Variants in CASZ1 observed in about 807,000 individuals in gnomAD.
The protein encoded by CASZ1 is zinc finger protein castor homolog 1.
CASZ1 carries 28 observed loss-of-function variants against 135.2 expected under a neutral mutation model. The observed-to-expected ratio is 0.21, with a 90% CI of 0.15 to 0.28. CASZ1 has a LOEUF of 0.28. Ranked by LOEUF, CASZ1 falls within the 10% of genes least tolerant of loss-of-function variation. The probability of loss-of-function intolerance (pLI) is 1.00; values close to 1 mark genes in which losing one functional copy is unlikely to be tolerated. For missense variants in CASZ1, 2,161 were observed against 2,453.3 expected, an observed-to-expected ratio of 0.88 and a Z score of 2.52; for synonymous variants, 1,068 against 1,073.4, an observed-to-expected ratio of 0.99 and a Z score of 0.10.
chr1:10,729,023 G>A (rs1008564518), intron 2 of CASZ1, among the ~76,000 whole-genome samples: 37 of 152,120 alleles, frequency 2.4e-4, no homozygotes, highest in African/African-American at 7.9e-4. Flanking sequence ...TGCCCGGACC[G>A]AGGGGACAAA....
intron 1 of CASZ1, among the ~76,000 whole-genome samples, chr1:10,763,818 C>T (rs1264127217): frequency 6.6e-6 from 1 of 152,218 alleles, no homozygotes; most frequent in African/African-American, 2.4e-5. Flanking sequence ...AGATGAGCTC[C>T]GTGCAGCTTG....
rs1398893630 is a variant in CASZ1 at position 10,648,156 on chromosome 1, A to AG, written c.3159-18dup. On this transcript the variant is annotated splice_polypyrimidine_tract_variant and intron_variant, in intron 15 of 20. Coordinates refer to ENST00000377022, the MANE Select transcript of CASZ1 (RefSeq NM_001079843.3). ...AAGTGGAAGCTGCGAGAGGTAGAAG[A>AG]GGGGGTCTCATGGGGGGCAGTGAAG... The AG allele has an allele frequency of 4.1e-5, 61 of 1,472,044 alleles. No individual in the cohort carries two copies. The highest frequency in any genetic ancestry group is 5.4e-5 in the Non-Finnish European group (60 of 1,106,472). The allele number at this position is 1,472,044 out of a possible 1,614,324, so 91.2% of individuals were successfully genotyped here.
chr1:10,787,663 A>T (rs372414638), intron 1 of CASZ1, among the ~76,000 whole-genome samples: 9 of 152,060 alleles, frequency 5.9e-5, no homozygotes, highest in African/African-American at 1.9e-4. Flanking sequence ...GCACACACAC[A>T]CACGCATACA....
In CASZ1 at chr1:10,735,724, C is replaced by G. The variant is rs1639785464; in HGVS notation, c.-77+24977G>C. On this transcript the variant is annotated intron_variant, in intron 2 of 20. Transcript: ENST00000377022. The surrounding 1 kb of genome is among the most constrained non-coding windows in gnomAD (Gnocchi z 5.1). Reference sequence around the variant, plus strand: ...CGGTTAAATGAGGTCAAATGCTTTTCAAGTCACGGGCATCTGCCTACCAAG... The same window carrying G: ...CGGTTAAATGAGGTCAAATGCTTTTGAAGTCACGGGCATCTGCCTACCAAG... 6.6e-6 allele frequency among the ~76,000 whole-genome samples: 1 copy of G among 152,196 alleles called. No homozygotes were observed. Among genetic ancestry groups the G allele is most frequent in the East Asian group, 1.9e-4 (1 of 5,192 alleles).
rs1013322776 is a variant in CASZ1 at position 10,658,544 on chromosome 1, G to A, written c.1373C>T (p.Thr458Ile). The A allele has an allele frequency of 4.3e-6, 7 of 1,613,992 alleles. No homozygotes were observed. Among genetic ancestry groups the A allele is most frequent in the Admixed American group, 3.3e-5 (2 of 60,012 alleles). ...NGLPTDKPAV[T>I]EDVNIYQKYI... Reference sequence around the variant, plus strand: ...TTTCTGGTAAATGTTTACATCTTCAGTGACGGCTGGTTTATCTGTGGGCAG... The same window carrying A: ...TTTCTGGTAAATGTTTACATCTTCAATGACGGCTGGTTTATCTGTGGGCAG... The change falls in exon 7 of 21, where the codon ACT becomes ATT. Residue 458 changes from threonine to isoleucine, a missense_variant. Physicochemically the swap from Thr to Ile is moderately conservative, Grantham distance 89. Around this residue, in one of 7 missense-constraint regions of CASZ1, gnomAD observed 248 missense variants for 410.8 expected, o/e 0.60. Transcript: ENST00000377022.
intron 2 of CASZ1, among the ~76,000 whole-genome samples, chr1:10,748,143 T>C (rs1364590674): frequency 6.6e-6 from 1 of 152,160 alleles, no homozygotes; most frequent in Non-Finnish European, 1.5e-5. Flanking sequence ...AAAGGCTCCC[T>C]GCATCCAACT....
In CASZ1 at chr1:10,666,019, G is replaced by A. The variant is rs2100295248; in HGVS notation, c.17-448C>T. The stretch of plus-strand genomic sequence containing the variant: ...AAGGGACAGCGTGGCATTCCTGGCA[G>A]CTTGTTCCGCTTGGGAGCGTCCTGC... On this transcript the variant is annotated intron_variant, in intron 4 of 20. Transcript: ENST00000377022. This position sits in a 1 kb window ranked among gnomAD's most constrained non-coding sequence, Gnocchi z 5.2. Among the ~76,000 whole-genome samples the A allele has an allele frequency of 6.6e-6, 1 of 152,288 alleles. No homozygotes were observed. Among genetic ancestry groups the A allele is most frequent in the East Asian group, 1.9e-4 (1 of 5,170 alleles).
At position 10,639,501 on chromosome 1, in the gene CASZ1, G is replaced by A. The variant is rs749828128; in HGVS notation, c.4721C>T (p.Thr1574Ile). ...CACCGTGTGGCGGCAGCCCGGGAAG[G>A]TGCAGTGGAAGTGCGAGCACTTGAG... ...YKLKCSHFHCTFPGCRHTVVG... is the reference protein window; with the variant it reads ...YKLKCSHFHCIFPGCRHTVVG... The change falls in exon 21 of 21, where the codon ACC (threonine) becomes ATC (isoleucine). Residue 1574 changes from threonine to isoleucine, a missense_variant. This residue lies in a region of CASZ1 where 240 missense variants were observed against 321.4 expected (regional missense o/e 0.75). Transcript: ENST00000377022. This position sits in a 1 kb window ranked among gnomAD's most constrained non-coding sequence, Gnocchi z 4.0. The A allele has an allele frequency of 1.2e-6, 2 of 1,611,712 alleles. No homozygotes were observed. Among genetic ancestry groups the A allele is most frequent in the Admixed American group, 3.3e-5 (2 of 59,962 alleles).
chr1:10,730,925 G>C (rs1048020960), intron 2 of CASZ1, among the ~76,000 whole-genome samples: 4 of 151,916 alleles, frequency 2.6e-5, no homozygotes, highest in Non-Finnish European at 1.5e-5. Flanking sequence ...GGACAACATA[G>C]TGAAACCCCA....
chr1:10,680,506 G>T (rs1243268804), intron 4 of CASZ1, among the ~76,000 whole-genome samples: 1 of 152,188 alleles, frequency 6.6e-6, no homozygotes, highest in East Asian at 1.9e-4. Flanking sequence ...TCTGCCCTAG[G>T]GATCCTGGGA....
Position 10,665,300 on chromosome 1 carries a change from G to A in CASZ1, c.288C>T (p.Tyr96=). 1 of 1,613,032 alleles carries A rather than the reference G, an allele frequency of 6.2e-7. No homozygotes were observed. The highest frequency in any genetic ancestry group is 8.5e-7 in the Non-Finnish European group (1 of 1,179,414). ...AVIEKWVNGE[Y]SEEPAPTPVL... The stretch of plus-strand genomic sequence containing the variant: ...CGGGTGTGGGTGCCGGCTCCTCGCT[G>A]TACTCCCCGTTCACCCACTTCTCGA... The change falls in exon 5 of 21, where the codon TAC becomes TAT. Residue 96 remains tyrosine (Y), a synonymous_variant. Coordinates refer to ENST00000377022, the MANE Select transcript of CASZ1 (RefSeq NM_001079843.3).
At chr1:10,784,001 GA>G (rs1261959972) in intron 1 of CASZ1, among the ~76,000 whole-genome samples, 1 of 151,134 alleles carries the variant, frequency 6.6e-6, no homozygotes, top group Admixed American at 6.6e-5. Context: ...ATGATCACAA[GA>G]ACCCCAGCGA....
chr1:10,651,127 G>A (rs754699297), intron 11 of CASZ1, 51 bp from the exon 12 acceptor site: 43 of 1,413,164 alleles, frequency 3.0e-5, no homozygotes, highest in Non-Finnish European at 3.4e-5. Flanking sequence ...GGCCTGGCCC[G>A]GGCACAGACA....
rs959066285 is a variant in CASZ1, at chr1:10,717,202, C to T, written c.-76-11658G>A. Among the ~76,000 whole-genome samples the T allele has an allele frequency of 2.0e-5, 3 of 152,180 alleles. No homozygotes were observed. Among genetic ancestry groups the T allele is most frequent in the East Asian group, 3.9e-4 (2 of 5,190 alleles). On this transcript the variant is annotated intron_variant, in intron 2 of 20. Coordinates refer to ENST00000377022, the MANE Select transcript of CASZ1 (RefSeq NM_001079843.3). The surrounding 1 kb of genome is among the most constrained non-coding windows in gnomAD (Gnocchi z 4.6). ...TTTTACCTAATGACAGAAAAATCTA[C>T]GAACGCCTGCCTATCAGCACTTTCC... is the stretch of plus-strand genomic sequence containing the variant.
chr1:10,774,242 C>T lies in CASZ1; in HGVS notation c.-233-13385G>A, dbSNP rs754675178. 6.6e-5 allele frequency among the ~76,000 whole-genome samples: 10 copies of T among 152,160 alleles called. No individual in the cohort carries two copies. Among genetic ancestry groups the T allele is most frequent in the Admixed American group, 1.3e-4 (2 of 15,276 alleles). On this transcript the variant is annotated intron_variant, in intron 1 of 20. Coordinates refer to ENST00000377022, the MANE Select transcript of CASZ1 (RefSeq NM_001079843.3). This position sits in a 1 kb window ranked among gnomAD's most constrained non-coding sequence, Gnocchi z 4.4. ...CCGTCGCTAAATCCTTGGATACACACGGTATATCTCCTGACTCTCGGAGAA... is the reference window on the plus strand; with the variant it reads ...CCGTCGCTAAATCCTTGGATACACATGGTATATCTCCTGACTCTCGGAGAA...
chr1:10,682,791 A>T (rs1426317020), intron 4 of CASZ1, among the ~76,000 whole-genome samples: 1 of 152,164 alleles, frequency 6.6e-6, no homozygotes, highest in Non-Finnish European at 1.5e-5. Flanking sequence ...CCTCCCGAGG[A>T]GCCCCAAAGT....
Position 10,659,766 on chromosome 1 carries a change from C to G in CASZ1, c.1276G>C (p.Glu426Gln), listed in dbSNP as rs760416259. 6.2e-7 allele frequency: 1 copy of G among 1,613,558 alleles called. No individual in the cohort carries two copies. Among genetic ancestry groups the G allele is most frequent in the African/African-American group, 1.3e-5 (1 of 74,750 alleles). Residue 426 changes from glutamate to glutamine, a missense_variant, in exon 6 of 21, where the codon GAG becomes CAG. Physicochemically the swap from Glu to Gln is conservative, Grantham distance 29. Coordinates refer to ENST00000377022, the MANE Select transcript of CASZ1 (RefSeq NM_001079843.3). ...TTGGAGAAGGTTGACTTCAGGTACT[C>G]GGGAGTGTTGAAGGACAGGGAGGCA... is the stretch of plus-strand genomic sequence containing the variant. Reference protein sequence around the residue: ...PPASLSFNTPEYLKSTFSKTD... With the variant: ...PPASLSFNTPQYLKSTFSKTD...
At chr1:10,785,071 CT>C (rs1640832174) in intron 1 of CASZ1, among the ~76,000 whole-genome samples, 2 of 78,102 alleles carry the variant, frequency 2.6e-5, no homozygotes, top group East Asian at 3.7e-4. Context: ...CTCTCTCTCT[CT>C]CCCTCCTTCC....
intron 2 of CASZ1, among the ~76,000 whole-genome samples, chr1:10,708,385 A>T (rs1418098661): frequency 1.2e-4 from 18 of 152,192 alleles, no homozygotes; most frequent in Admixed American, 1.2e-3. Flanking sequence ...CCCACCTTTT[A>T]CCCACCCTTA....
Sources: gnomAD v4.1 joint callset for allele counts (sites outside exome capture counted in the v4.1 genomes callset) on GRCh38, gnomAD v4.1.1 for gene constraint, gnomAD v4.1.1 regional missense constraint, Gnocchi (gnomAD v3.1) non-coding constraint, MANE v1.5 for transcripts, NCBI Gene and HGNC (gene_info 2026-07-23, HGNC 2026-07-21) for gene names.